The following RBM4 variants were observed in gnomAD, a reference collection of about 807,000 sequenced individuals.
RBM4 encodes the protein RNA binding motif protein 4, also known as RNA-binding protein 4.
RBM4 carries 7 observed loss-of-function variants against 29.5 expected under a neutral mutation model. The ratio of observed to expected loss-of-function variants is 0.24; its 90% CI spans 0.14 to 0.45. The LOEUF (loss-of-function observed/expected upper bound fraction) is 0.45, where lower values mean the gene tolerates loss of function less well. Ranked by LOEUF, RBM4 falls within the 20% of genes least tolerant of loss-of-function variation. The pLI, the probability that RBM4 is intolerant of heterozygous loss-of-function variation, is 1.00. For synonymous variants in RBM4, 220 were observed against 205.4 expected, an observed-to-expected ratio of 1.07 and a Z score of -0.61; for missense variants, 387 against 502.3, an observed-to-expected ratio of 0.77 and a Z score of 2.19.
chr11:66,662,947 G>C (rs1411576832), intron 2 of RBM4, among the ~76,000 whole-genome samples: 2 of 152,182 alleles, frequency 1.3e-5, no homozygotes, highest in Non-Finnish European at 2.9e-5. Context: ...ATGTGTGCAT[G>C]GATGGACAGG....
chr11:66,667,751 T>C (rs1939295107), exon 3 of RBM4: 1 of 151,938 alleles, frequency 6.6e-6, no homozygotes, highest in Admixed American at 6.6e-5. Context: ...TTGCCCAGGC[T>C]GGAATACAGT....
At chr11:66,644,661 A>G in intron 3 of RBM4, 2 of 983,136 alleles carry the variant, frequency 2.0e-6, no homozygotes, top group Non-Finnish European at 2.4e-6. Flanking sequence ...GACTACCAAA[A>G]TGGCATCATC....
chr11:66,664,479 A>G (rs1427814137), intron 2 of RBM4, among the ~76,000 whole-genome samples: 4 of 150,034 alleles, frequency 2.7e-5, no homozygotes, highest in African/African-American at 9.9e-5. Flanking sequence ...GTTTCTTTTG[A>G]GATGGAGTTT....
intron 2 of RBM4, among the ~76,000 whole-genome samples, chr11:66,664,194 A>C (rs1939152307): frequency 1.4e-5 from 1 of 73,976 alleles, no homozygotes; most frequent in East Asian, 4.6e-4. Flanking sequence ...TTTTTTTTTG[A>C]GATGGGAGTA....
intron 2 of RBM4, among the ~76,000 whole-genome samples, chr11:66,653,819 C>CT (rs58736660): frequency 0.048 from 6,487 of 135,300 alleles, 162 homozygotes; most frequent in Middle Eastern, 0.097. Context: ...TTTTTTTTTT[C>CT]TTTTTTTTTT....
chr11:66,658,337 C>CTTTTTTTTTTTTT (rs35133059), intron 2 of RBM4, among the ~76,000 whole-genome samples: 12 of 50,458 alleles, frequency 2.4e-4, no homozygotes, highest in Non-Finnish European at 2.7e-4. Context: ...CTAGTCTGAC[C>CTTTTTTTTTTTTT]TTTTTTTTTT....
At chr11:66,644,679 T>G (rs1472130407) in intron 3 of RBM4, 3 of 984,728 alleles carry the variant, frequency 3.0e-6, no homozygotes, top group Non-Finnish European at 3.6e-6. Flanking sequence ...ATCTTAATCT[T>G]GAAGCGTATT....
chr11:66,645,225 T>C (rs1441327557), intron 3 of RBM4, among the ~76,000 whole-genome samples: 1 of 152,222 alleles, frequency 6.6e-6, no homozygotes, highest in Non-Finnish European at 1.5e-5. Flanking sequence ...TATATTCTCT[T>C]CTGATACTTG....
rs373267296 is a variant in RBM4, at chr11:66,643,616, A to G, written c.579A>G (p.Gln193=). The G allele has an allele frequency of 6.2e-6, 10 of 1,614,202 alleles. No individual in the cohort carries two copies. In the African/African-American group the frequency reaches 1.1e-4, roughly 17 times the overall value. ...VADLTEQYNE[Q]YGAVRTPYTM... ...ACTTGACCGAGCAATATAATGAGCA[A>G]TACGGAGCAGTGCGTACGCCTTACA... Residue 193 remains glutamine (Q), a synonymous_variant, in exon 3 of 4, where the codon CAA becomes CAG. Transcript: ENST00000310092. The surrounding 1 kb of genome is among the most constrained non-coding windows in gnomAD (Gnocchi z 6.1).
At chr11:66,666,260 A>C in exon 3 of RBM4, 1 of 1,122,378 alleles carries the variant, frequency 8.9e-7, no homozygotes, top group Non-Finnish European at 1.1e-6. Flanking sequence ...GGGAAAAAAA[A>C]AGTTAACTCA....
At chr11:66,663,599 G>T (rs762325715) in intron 2 of RBM4, among the ~76,000 whole-genome samples, 1 of 152,082 alleles carries the variant, frequency 6.6e-6, no homozygotes, top group Non-Finnish European at 1.5e-5. Flanking sequence ...AAAGTGCTGG[G>T]ATTACAGGCA....
downstream of RBM4, among the ~76,000 whole-genome samples, chr11:66,647,507 A>G (rs2135074357): frequency 6.6e-6 from 1 of 152,016 alleles, no homozygotes; most frequent in East Asian, 1.9e-4. Flanking sequence ...TTTTTCCTTT[A>G]GTTTTTCCTT....
At chr11:66,645,823 T>G (rs1282958232) in intron 3 of RBM4, among the ~76,000 whole-genome samples, 3 of 152,192 alleles carry the variant, frequency 2.0e-5, no homozygotes, top group Non-Finnish European at 4.4e-5. Flanking sequence ...AAGACCTTAG[T>G]CTGAGGTTGT....
chr11:66,658,341 T>G (rs1427380615), intron 2 of RBM4, among the ~76,000 whole-genome samples: 2 of 145,264 alleles, frequency 1.4e-5, no homozygotes, highest in African/African-American at 5.1e-5. Context: ...TCTGACCTTT[T>G]TTTTTTTTTT....
intron 2 of RBM4, among the ~76,000 whole-genome samples, chr11:66,656,167 C>T (rs1402098198): frequency 3.3e-5 from 5 of 151,264 alleles, no homozygotes; most frequent in Admixed American, 6.6e-5. Context: ...GGCGGAGTCT[C>T]GCTCTGTCAC....
intron 3 of RBM4, among the ~76,000 whole-genome samples, chr11:66,645,241 T>G (rs554289246): frequency 3.3e-5 from 5 of 152,236 alleles, no homozygotes; most frequent in Non-Finnish European, 7.3e-5. Flanking sequence ...ACTTGCCAGC[T>G]TTGGGCTCTA....
At position 66,643,641 on chromosome 11, in the gene RBM4, A is replaced by G. The variant is rs754211587; in HGVS notation, c.604A>G (p.Thr202Ala). ...ATACGGAGCAGTGCGTACGCCTTAC[A>G]CCATGAGCTATGGGGATTCATTGTA... ...EQYGAVRTPY[T>A]MSYGDSLYYN... Residue 202 changes from threonine (T) to alanine (A), a missense_variant, in exon 3 of 4, where the codon ACC (threonine) becomes GCC (alanine). Coordinates refer to ENST00000310092, the MANE Select transcript of RBM4 (RefSeq NM_002896.4). The surrounding 1 kb of genome is among the most constrained non-coding windows in gnomAD (Gnocchi z 6.1). 23 of 1,613,992 alleles carry G rather than the reference A, an allele frequency of 1.4e-5. No individual in the cohort carries two copies. Among genetic ancestry groups the G allele is most frequent in the Non-Finnish European group, 1.9e-5 (23 of 1,180,032 alleles).
At chr11:66,656,330 C>T (rs1490139041) in intron 2 of RBM4, among the ~76,000 whole-genome samples, 2 of 152,086 alleles carry the variant, frequency 1.3e-5, no homozygotes, top group Non-Finnish European at 2.9e-5. Flanking sequence ...TTAGTAGAGA[C>T]AGGGTTTCAC....
intron 3 of RBM4, among the ~76,000 whole-genome samples, chr11:66,645,473 C>G (rs1319539551): frequency 2.6e-5 from 4 of 152,134 alleles, no homozygotes; most frequent in African/African-American, 4.8e-5. Flanking sequence ...TGATGTGTAG[C>G]TTATACATGC....
Sources: allele counts gnomAD v4.1 joint callset (sites outside exome capture counted in the v4.1 genomes callset), GRCh38; gene constraint gnomAD v4.1.1; non-coding constraint Gnocchi (gnomAD v3.1); transcripts MANE v1.5; gene names NCBI Gene and HGNC (gene_info 2026-07-23, HGNC 2026-07-21).